Variants in NPLOC4 observed in about 807,000 individuals in gnomAD.
NPLOC4 encodes nuclear protein localization protein 4 homolog.
Under a neutral mutation model 80.6 loss-of-function variants are expected in NPLOC4, and 18 were observed. The observed-to-expected ratio is 0.22, with a 90% confidence interval of 0.15 to 0.33. The LOEUF (loss-of-function observed/expected upper bound fraction) is 0.33, where lower values mean the gene tolerates loss of function less well. Ranked by LOEUF, NPLOC4 falls within the 10% of genes least tolerant of loss-of-function variation. NPLOC4 has a pLI of 1.00. For synonymous variants in NPLOC4, 313 were observed against 301.5 expected (o/e 1.04, Z -0.39); for missense variants, 540 against 786.1 (o/e 0.69, Z 3.74).
intron 3 of NPLOC4, among the ~76,000 whole-genome samples, chr17:81,621,444 T>C (rs7502337): frequency 0.42 from 64,618 of 152,088 alleles, 14,807 homozygotes; most frequent in East Asian, 0.77. Flanking sequence ...ACTGAGCCAG[T>C]GGCCACAGCA....
intron 4 of NPLOC4, among the ~76,000 whole-genome samples, chr17:81,612,166 G>A (rs976435727): frequency 5.3e-5 from 8 of 152,050 alleles, no homozygotes; most frequent in Admixed American, 2.6e-4. Context: ...AGCACAACAC[G>A]CACAATCTGA....
At chr17:81,586,734 C>T (rs992362874) in intron 12 of NPLOC4, among the ~76,000 whole-genome samples, 3 of 152,148 alleles carry the variant, frequency 2.0e-5, no homozygotes, top group Admixed American at 6.5e-5. Context: ...CCTTTCAGGG[C>T]CAATGAGACA....
At position 81,589,009 on chromosome 17, in the gene NPLOC4, C is replaced by T; in HGVS notation, c.1216G>A (p.Ala406Thr). ...RDECLLPCKD[A>T]PELGYAKESS... ...TCCTTGGCGTAGCCAAGCTCCGGGG[C>T]GTCCTTGCATGGCAGCAAACACTCA... The change falls in exon 12 of 17, where the codon GCC (alanine) becomes ACC (threonine). Residue 406 changes from alanine (A) to threonine (T), a missense_variant. Ala to Thr is a moderately conservative substitution (Grantham distance 58). Coordinates refer to ENST00000331134, the MANE Select transcript of NPLOC4 (RefSeq NM_017921.4). 3 of 1,614,000 alleles carry T rather than the reference C, an allele frequency of 1.9e-6. No individual in the cohort carries two copies. The highest frequency in any genetic ancestry group is 2.5e-6 in the Non-Finnish European group (3 of 1,179,866).
intron 2 of NPLOC4, among the ~76,000 whole-genome samples, chr17:81,625,941 G>A (rs2035784433): frequency 6.6e-6 from 1 of 151,994 alleles, no homozygotes. Flanking sequence ...CTGAAGTCAG[G>A]AGTTTGAGAC....
intron 3 of NPLOC4, among the ~76,000 whole-genome samples, chr17:81,619,740 A>T (rs2035614844): frequency 1.3e-5 from 2 of 149,160 alleles, no homozygotes; most frequent in Admixed American, 6.7e-5. Context: ...TTACCTGGGA[A>T]TGGTGGTGGG....
rs939371876 is a variant in NPLOC4 at position 81,559,317 on chromosome 17, G to A, written c.1769C>T (p.Thr590Met). The A allele has an allele frequency of 3.7e-6, 6 of 1,606,466 alleles. No homozygotes were observed. The highest frequency in any genetic ancestry group is 4.2e-6 in the Non-Finnish European group (5 of 1,176,990). Residue 590 changes from threonine (T) to methionine (M), a missense_variant, in exon 17 of 17, where the codon ACG becomes ATG. Thr to Met is a moderately conservative substitution (Grantham distance 81, BLOSUM62 -1). Coordinates refer to ENST00000331134, the MANE Select transcript of NPLOC4 (RefSeq NM_017921.4). ...GCCTGTGCCTGGCTGGTTCATGAAC[G>A]TGCAGTGCTGACAGGCCCACATGGC... is the stretch of plus-strand genomic sequence containing the variant. The part of the protein sequence containing the change: ...TAAMWACQHC[T>M]FMNQPGTGHC...
intron 16 of NPLOC4, chr17:81,564,122 AG>A: frequency 3.1e-6 from 1 of 317,742 alleles, no homozygotes; most frequent in Admixed American, 4.6e-5. Context: ...ACACACAAAG[AG>A]CAGGGCGGGC....
At chr17:81,592,959 G>C (rs2034790751) in intron 11 of NPLOC4, among the ~76,000 whole-genome samples, 1 of 151,924 alleles carries the variant, frequency 6.6e-6, no homozygotes, top group South Asian at 2.1e-4. Context: ...CTCCAGCCTG[G>C]GTGACAGAAC....
chr17:81,589,377 A>C (rs891065538), intron 11 of NPLOC4, among the ~76,000 whole-genome samples: 4 of 151,900 alleles, frequency 2.6e-5, no homozygotes, highest in Non-Finnish European at 5.9e-5. Context: ...AAAAATAAAA[A>C]AATTAGCTGG....
At chr17:81,630,024 C>CAGAG in intron 1 of NPLOC4, 1 of 494,930 alleles carries the variant, frequency 2.0e-6, no homozygotes. Context: ...ACTGTCCTCT[C>CAGAG]AACTCTTAGT....
intron 1 of NPLOC4, among the ~76,000 whole-genome samples, chr17:81,634,401 C>T (rs891696724): frequency 2.0e-5 from 3 of 151,800 alleles, no homozygotes; most frequent in Admixed American, 2.0e-4. Context: ...AGACATTCAA[C>T]GAGATCCAAT....
chr17:81,569,085 T>C lies in NPLOC4; in HGVS notation c.1380A>G (p.Pro460=), dbSNP rs1401057794. The part of the protein sequence containing the change: ...IDITTTFPKD[P]VYTFSISQNP... ...TTTGCGAAATAGAAAAAGTGTAAACTGGATCCTTGGGGAAAGTTGTTGTGA... is the reference window on the plus strand; with the variant it reads ...TTTGCGAAATAGAAAAAGTGTAAACCGGATCCTTGGGGAAAGTTGTTGTGA... Residue 460 remains proline (P), a synonymous_variant, in exon 14 of 17, where the codon CCA becomes CCG. Transcript: ENST00000331134. 4.3e-6 allele frequency: 7 copies of C among 1,612,572 alleles called. No homozygotes were observed. The highest frequency in any genetic ancestry group is 5.9e-6 in the Non-Finnish European group (7 of 1,178,742).
At chr17:81,576,653 TG>T (rs200745973) in intron 12 of NPLOC4, among the ~76,000 whole-genome samples, 21,770 of 152,150 alleles carry the variant, frequency 0.14, 1,851 homozygotes, top group Admixed American at 0.23. Context: ...AAACCTGGCG[TG>T]TGTTTGCAAC....
chr17:81,614,885 G>GAC (rs150375413), intron 3 of NPLOC4, among the ~76,000 whole-genome samples: 90 of 152,086 alleles, frequency 5.9e-4, no homozygotes, highest in Non-Finnish European at 1.1e-3. Context: ...CTGCCAACAA[G>GAC]ACACACACAC....
intron 12 of NPLOC4, chr17:81,573,570 C>A (rs2034215987): frequency 1.3e-5 from 2 of 152,100 alleles, no homozygotes; most frequent in South Asian, 4.2e-4. Flanking sequence ...TACTCTCTCC[C>A]CTTTCCTCAC....
intron 2 of NPLOC4, among the ~76,000 whole-genome samples, chr17:81,625,658 A>C (rs2035775631): frequency 6.6e-6 from 1 of 152,074 alleles, no homozygotes; most frequent in African/African-American, 2.4e-5. Context: ...TTGAGCCCAG[A>C]AGTTTAAGGC....
At position 81,606,825 on chromosome 17, in the gene NPLOC4, GAGAAGC is replaced by G; in HGVS notation, c.531-17_531-12del. The G allele has an allele frequency of 1.3e-6, 2 of 1,576,014 alleles. No individual in the cohort carries two copies. Among genetic ancestry groups the G allele is most frequent in the African/African-American group, 1.4e-5 (1 of 70,050 alleles). On this transcript the variant is annotated splice_polypyrimidine_tract_variant and intron_variant, in intron 6 of 16. Coordinates refer to ENST00000331134, the MANE Select transcript of NPLOC4 (RefSeq NM_017921.4). ...GCAACAAACTTCCCCCTACATAGAAGAGAAGCAACTTAAACATCACATTGGTGAAAA... is the reference window on the plus strand; with the variant it reads ...GCAACAAACTTCCCCCTACATAGAAGAACTTAAACATCACATTGGTGAAAA...
chr17:81,635,060 G>A (rs1275482888), intron 1 of NPLOC4, among the ~76,000 whole-genome samples: 3 of 151,910 alleles, frequency 2.0e-5, no homozygotes, highest in African/African-American at 7.3e-5. Context: ...AAGATTTAAA[G>A]GCCAGGCGCG....
intron 1 of NPLOC4, among the ~76,000 whole-genome samples, chr17:81,631,967 T>C (rs569761018): frequency 5.7e-4 from 87 of 151,646 alleles, no homozygotes; most frequent in East Asian, 3.7e-3. Flanking sequence ...ACCCAGCTAA[T>C]TTTCTTTTTT....
Sources: gnomAD v4.1 joint callset for allele counts (sites outside exome capture counted in the v4.1 genomes callset) on GRCh38, gnomAD v4.1.1 for gene constraint, MANE v1.5 for transcripts, NCBI Gene and HGNC (gene_info 2026-07-23, HGNC 2026-07-21) for gene names.